Variants in LRCH4 observed in about 807,000 individuals in gnomAD.
LRCH4 encodes the protein leucine rich repeats and calponin homology domain containing 4.
In LRCH4, 56 loss-of-function variants were observed where a neutral mutation model predicts 81.2. The observed-to-expected ratio is 0.69, with a 90% CI of 0.56 to 0.86. The LOEUF (loss-of-function observed/expected upper bound fraction) is 0.86, where lower values mean the gene tolerates loss of function less well. Ranked by LOEUF, LRCH4 falls within the 40% of genes least tolerant of loss-of-function variation. The probability of loss-of-function intolerance (pLI) is 0.00; values close to 1 mark genes in which losing one functional copy is unlikely to be tolerated. For missense variants in LRCH4, 895 were observed against 922.8 expected (o/e 0.97, Z 0.39); for synonymous variants, 442 against 409.7 (o/e 1.08, Z -0.95).
chr7:100,576,132 G>A (rs994536220), intron 15 of LRCH4, 106 bp downstream of exon 15: 2 of 1,470,844 alleles, frequency 1.4e-6, no homozygotes. Flanking sequence ...CAGGGGAGGT[G>A]CCAGAGTGGG....
rs1801577282 is a variant in LRCH4 at position 100,582,081 on chromosome 7, A to G, written c.452T>C (p.Leu151Pro). ...LIVSNNKLGA[L>P]PPDIGTLGSL... ...TCCCAGGGTGCCGATGTCAGGGGGCAGGGCTCCCAGCTTGTTGTTGCTGAC... is the reference window on the plus strand; with the variant it reads ...TCCCAGGGTGCCGATGTCAGGGGGCGGGGCTCCCAGCTTGTTGTTGCTGAC... Residue 151 changes from leucine (L) to proline (P), a missense_variant, in exon 3 of 18, where the codon CTG becomes CCG. Physicochemically the swap from Leu to Pro is moderately conservative, Grantham distance 98. Transcript: ENST00000310300. This position sits in a 1 kb window ranked among gnomAD's most constrained non-coding sequence, Gnocchi z 5.0. 3 of 1,611,670 alleles carry G rather than the reference A, an allele frequency of 1.9e-6. No individual in the cohort carries two copies. Among genetic ancestry groups the G allele is most frequent in the Non-Finnish European group, 2.5e-6 (3 of 1,179,698 alleles).
At chr7:100,581,546 C>T in intron 4 of LRCH4, 2 of 478,436 alleles carry the variant, frequency 4.2e-6, no homozygotes, top group South Asian at 5.3e-5. Context: ...TGTCTCTGCT[C>T]TCCGCCATCG....
chr7:100,575,008 T>C lies in LRCH4; in HGVS notation c.*99A>G. ...CTGTGAAGGGGGTGCACTAGTGTCT[T>C]TGGTTGGGGCTGAAGGCACCGCAGG... On this transcript the variant is annotated 3_prime_UTR_variant, in exon 18 of 18. Coordinates refer to ENST00000310300, the MANE Select transcript of LRCH4 (RefSeq NM_002319.5). This position sits in a 1 kb window ranked among gnomAD's most constrained non-coding sequence, Gnocchi z 5.3. 1.7e-6 allele frequency: 2 copies of C among 1,152,710 alleles called. No homozygotes were observed. The highest frequency in any genetic ancestry group is 3.1e-5 in the South Asian group (2 of 64,628). The allele number at this position is 1,152,710 out of a possible 1,614,324, so 71.4% of individuals were successfully genotyped here.
Position 100,575,284 on chromosome 7 carries a change from C to A in LRCH4, c.1875G>T (p.Ser625=). 1 of 1,558,156 alleles carries A rather than the reference C, an allele frequency of 6.4e-7. No individual in the cohort carries two copies. The highest frequency in any genetic ancestry group is 8.7e-7 in the Non-Finnish European group (1 of 1,149,226). The change falls in exon 18 of 18, where the codon TCG becomes TCT. Residue 625 remains serine (S), a synonymous_variant. Transcript: ENST00000310300. The surrounding 1 kb of genome is among the most constrained non-coding windows in gnomAD (Gnocchi z 5.3). ...GVPEADLCSP[S]DLLQGTARGL... ...CCCGGGCAGTGCCCTGGAGGAGATCCGAGGGCGAGCACAGGTCAGCCTGGG... is the reference window on the plus strand; with the variant it reads ...CCCGGGCAGTGCCCTGGAGGAGATCAGAGGGCGAGCACAGGTCAGCCTGGG...
rs1277386767 is a variant in LRCH4, at chr7:100,582,494, A to G, written c.221-35T>C. Reference sequence around the variant, plus strand: ...AGGAGGTGTCGGGGAGAGTTGCGGAAAGGCCCAGCCCGGACAGGACCTTCA... The same window carrying G: ...AGGAGGTGTCGGGGAGAGTTGCGGAGAGGCCCAGCCCGGACAGGACCTTCA... On this transcript the variant is annotated intron_variant, in intron 1 of 17. Coordinates refer to ENST00000310300, the MANE Select transcript of LRCH4 (RefSeq NM_002319.5). This position sits in a 1 kb window ranked among gnomAD's most constrained non-coding sequence, Gnocchi z 5.0. 8 of 1,594,164 alleles carry G rather than the reference A, an allele frequency of 5.0e-6. No homozygotes were observed. The African/African-American group carries it at 5.4e-5, about 11-fold the overall frequency.
At position 100,586,066 on chromosome 7, in the gene LRCH4, C is replaced by A; in HGVS notation, c.35G>T (p.Gly12Val). ...GGTCGTGGCTGCCGCCTCCTCACCC[C>A]CGGCGGCGAGTGGAGCCGCTACGGC... ...AAAVAAPLAAGGEEAAATTSV... is the reference protein window; with the variant it reads ...AAAVAAPLAAVGEEAAATTSV... Residue 12 changes from glycine to valine, a missense_variant, in exon 1 of 18, where the codon GGG becomes GTG. Physicochemically the swap from Gly to Val is moderately radical, Grantham distance 109. Transcript: ENST00000310300. The A allele has an allele frequency of 6.4e-7, 1 of 1,561,990 alleles. No individual in the cohort carries two copies. The highest frequency in any genetic ancestry group is 8.7e-7 in the Non-Finnish European group (1 of 1,155,190).
chr7:100,581,582 CTGCA>C, intron 4 of LRCH4, 191 bp downstream of exon 4: 1 of 559,192 alleles, frequency 1.8e-6, no homozygotes, highest in South Asian at 2.2e-5. Flanking sequence ...AGCCGGCAGT[CTGCA>C]GCCAGGAAAA....
In LRCH4 at chr7:100,577,854, C is replaced by G. The variant is rs762557450; in HGVS notation, c.1007G>C (p.Arg336Pro). ...FRISELAREP[R>P]GPRERKEDGS... ...ATCCTCCTTGCGTTCTCTGGGTCCC[C>G]GGGGCTCCCGGGCCAGCTCTGAGAT... Residue 336 changes from arginine to proline, a missense_variant, in exon 8 of 18, where the codon CGG (arginine) becomes CCG (proline). Physicochemically the swap from Arg to Pro is moderately radical, Grantham distance 103. Transcript: ENST00000310300. The surrounding 1 kb of genome is among the most constrained non-coding windows in gnomAD (Gnocchi z 6.7). 2 of 1,613,196 alleles carry G rather than the reference C, an allele frequency of 1.2e-6. No individual in the cohort carries two copies. The highest frequency in any genetic ancestry group is 4.5e-5 in the East Asian group (2 of 44,858).
chr7:100,576,264 T>C lies in LRCH4; in HGVS notation c.1612A>G (p.Lys538Glu). 1 of 1,614,050 alleles carries C rather than the reference T, an allele frequency of 6.2e-7. No individual in the cohort carries two copies. Among genetic ancestry groups the C allele is most frequent in the Non-Finnish European group, 8.5e-7 (1 of 1,179,988 alleles). ...TGGCGCAGCTGAGTCATTAAGTCCT[T>C]CTCATCTGGAACCTGGGGGTACCGC... is the stretch of plus-strand genomic sequence containing the variant. ...PRRYPQVPDEKDLMTQLRQVL... is the reference protein window; with the variant it reads ...PRRYPQVPDEEDLMTQLRQVL... The change falls in exon 15 of 18, where the codon AAG becomes GAG. Residue 538 changes from lysine to glutamate, a missense_variant. Lys to Glu is a moderately conservative substitution (Grantham distance 56). This residue lies in a region of LRCH4 where 529 missense variants were observed against 504.9 expected (regional missense o/e 1.05). Transcript: ENST00000310300.
intron 13 of LRCH4, 53 bp from the exon 14 acceptor site, chr7:100,576,830 C>T (rs1801376994): frequency 1.3e-6 from 2 of 1,532,812 alleles, no homozygotes; most frequent in South Asian, 2.4e-5. Context: ...CAGGCATCCC[C>T]TCTGTGTCCC....
In LRCH4 at chr7:100,582,167, G is replaced by T. The variant is rs771675049; in HGVS notation, c.366C>A (p.Ser122Arg). The T allele has an allele frequency of 6.2e-7, 1 of 1,613,486 alleles. No individual in the cohort carries two copies. The highest frequency in any genetic ancestry group is 8.5e-7 in the Non-Finnish European group (1 of 1,179,908). Residue 122 changes from serine (S) to arginine (R), a missense_variant and splice_region_variant, in exon 3 of 18, where the codon AGC becomes AGA. Coordinates refer to ENST00000310300, the MANE Select transcript of LRCH4 (RefSeq NM_002319.5). This position sits in a 1 kb window ranked among gnomAD's most constrained non-coding sequence, Gnocchi z 5.0. ...NLTALTYLNL[S>R]RNQLSLLPPY... ...GTGGCAGCAGCGACAGCTGGTTTCGGCTGTGGAAGGGAGAAAGGCAGCGGA... is the reference window on the plus strand; with the variant it reads ...GTGGCAGCAGCGACAGCTGGTTTCGTCTGTGGAAGGGAGAAAGGCAGCGGA...
In LRCH4 at chr7:100,578,840, G is replaced by T. The variant is rs886737232; in HGVS notation, c.599-54C>A. The T allele has an allele frequency of 1.3e-6, 2 of 1,581,448 alleles. No homozygotes were observed. The highest frequency in any genetic ancestry group is 2.7e-5 in the African/African-American group (2 of 74,474). On this transcript the variant is annotated intron_variant, in intron 4 of 17. Transcript: ENST00000310300. This position sits in a 1 kb window ranked among gnomAD's most constrained non-coding sequence, Gnocchi z 5.7. ...GGAACATGCTCAGGGCTGTGGCCTC[G>T]TGCTCACTCCCTCACCCTTGGCTCC...
At chr7:100,580,954 A>C (rs1252148447) in intron 4 of LRCH4, 2 of 152,332 alleles carry the variant, frequency 1.3e-5, no homozygotes, top group East Asian at 3.8e-4. Context: ...CTGCCTGCTG[A>C]ACAAAAGGCA....
intron 1 of LRCH4, chr7:100,584,079 G>C (rs996681530): frequency 6.6e-6 from 3 of 451,738 alleles, no homozygotes; most frequent in African/African-American, 6.0e-5. Flanking sequence ...AAGACTAGGC[G>C]ACACGCAGCG....
In LRCH4 at chr7:100,577,517, C is replaced by T. The variant is rs1257064664; in HGVS notation, c.1158G>A (p.Arg386=). 6.2e-7 allele frequency: 1 copy of T among 1,609,970 alleles called. No homozygotes were observed. Residue 386 remains arginine, a synonymous_variant, in exon 10 of 18, where the codon AGG becomes AGA. Coordinates refer to ENST00000310300, the MANE Select transcript of LRCH4 (RefSeq NM_002319.5). The surrounding 1 kb of genome is among the most constrained non-coding windows in gnomAD (Gnocchi z 6.7). Reference sequence around the variant, plus strand: ...GGTACCTGCTGCTTGGTGCCCTCTCCCTGTCCCCTGCCCCAGGGCTTAATT... The same window carrying T: ...GGTACCTGCTGCTTGGTGCCCTCTCTCTGTCCCCTGCCCCAGGGCTTAATT... ...PPELSPGAGD[R]ERAPSSRREE...
chr7:100,578,584 G>A lies in LRCH4; in HGVS notation c.735+66C>T. On this transcript the variant is annotated intron_variant, in intron 5 of 17. Transcript: ENST00000310300. This position sits in a 1 kb window ranked among gnomAD's most constrained non-coding sequence, Gnocchi z 5.7. ...CCCCGGATCCTGCTCAGCTATCCAA[G>A]GGGACCAACCCCACTCCTGCCTAGC... 6.2e-7 allele frequency: 1 copy of A among 1,602,058 alleles called. No homozygotes were observed. Among genetic ancestry groups the A allele is most frequent in the African/African-American group, 1.3e-5 (1 of 74,888 alleles).
Position 100,575,541 on chromosome 7 carries a change from G to C in LRCH4, c.1854+164C>G, listed in dbSNP as rs757853210. On this transcript the variant is annotated intron_variant, in intron 17 of 17. Coordinates refer to ENST00000310300, the MANE Select transcript of LRCH4 (RefSeq NM_002319.5). This position sits in a 1 kb window ranked among gnomAD's most constrained non-coding sequence, Gnocchi z 5.3. ...AGGGGATGTGTAGGACAGGTGACAT[G>C]CAGGGCAGGGGGCATGCAGGGCAGG... The C allele has an allele frequency of 1.5e-4, 139 of 933,136 alleles. 1 individual carries two copies. The highest frequency in any genetic ancestry group is 5.3e-6 in the Non-Finnish European group (3 of 569,710). 57.8% of individuals were successfully genotyped at this position (933,136 alleles called of 1,614,324 possible).
intron 1 of LRCH4, chr7:100,584,837 C>T: frequency 2.2e-6 from 1 of 454,068 alleles, no homozygotes; most frequent in Non-Finnish European, 4.4e-6. Context: ...CAGCTCTGGT[C>T]CCCCACCGTG....
chr7:100,577,102 T>C lies in LRCH4; in HGVS notation c.1348A>G (p.Thr450Ala), dbSNP rs1801388759. 3 of 1,613,838 alleles carry C rather than the reference T, an allele frequency of 1.9e-6. No individual in the cohort carries two copies. The highest frequency in any genetic ancestry group is 2.7e-5 in the African/African-American group (2 of 74,924). ...AVVGGAAAVSTQAMHNGSPKS... is the reference protein window; with the variant it reads ...AVVGGAAAVSAQAMHNGSPKS... The stretch of plus-strand genomic sequence containing the variant: ...GAAACCTACTTGTGCATGGCTTGAG[T>C]GGACACGGCGGCGGCCCCTCCCACA... The change falls in exon 12 of 18, where the codon ACT becomes GCT. Residue 450 changes from threonine to alanine, a missense_variant. Coordinates refer to ENST00000310300, the MANE Select transcript of LRCH4 (RefSeq NM_002319.5). The surrounding 1 kb of genome is among the most constrained non-coding windows in gnomAD (Gnocchi z 6.7).
Sources: allele counts gnomAD v4.1 joint callset, GRCh38; gene constraint gnomAD v4.1.1; regional missense constraint gnomAD v4.1.1; non-coding constraint Gnocchi (gnomAD v3.1); transcripts MANE v1.5; gene names NCBI Gene and HGNC (gene_info 2026-07-23, HGNC 2026-07-21).